The following FAM171A1 variants were observed in gnomAD, a reference collection of about 807,000 sequenced individuals.
FAM171A1 encodes the protein family with sequence similarity 171 member A1.
In FAM171A1, 23 loss-of-function variants were observed where a neutral mutation model predicts 74.9. That is an observed-to-expected ratio of 0.31 (90% CI 0.22 to 0.44). The LOEUF (loss-of-function observed/expected upper bound fraction) is 0.44, where lower values mean the gene tolerates loss of function less well. Among genes scored for constraint, FAM171A1 ranks in the 20% least tolerant of loss-of-function variants. FAM171A1 has a pLI of 1.00. For synonymous variants in FAM171A1, 527 were observed against 505.7 expected (o/e 1.04, Z -0.57); for missense variants, 1,162 against 1,159.2 (o/e 1.00, Z -0.03).
rs185961044 is a variant in FAM171A1 at position 15,214,080 on chromosome 10, C to T, written c.1508G>A (p.Arg503Lys). Residue 503 changes from arginine (R) to lysine (K), a missense_variant, in exon 8 of 8, where the codon AGA becomes AAA. By Grantham distance (26) the Arg-to-Lys change is conservative. Coordinates refer to ENST00000378116, the MANE Select transcript of FAM171A1 (RefSeq NM_001010924.2). ...LSQPLFEKQDREGPASTGSKL... is the reference protein window; with the variant it reads ...LSQPLFEKQDKEGPASTGSKL... The stretch of plus-strand genomic sequence containing the variant: ...GCTTCCCGTGGAGGCTGGACCTTCT[C>T]TGTCCTGCTTTTCAAATAAAGGCTG... 3.7e-4 allele frequency: 600 copies of T among 1,614,200 alleles called. No individual in the cohort carries two copies. The highest frequency in any genetic ancestry group is 4.6e-4 in the Non-Finnish European group (538 of 1,180,038).
At position 15,283,871 on chromosome 10, in the gene FAM171A1, G is replaced by C; in HGVS notation, c.325+7C>G. 7 of 1,613,648 alleles carry C rather than the reference G, an allele frequency of 4.3e-6. No homozygotes were observed. Among genetic ancestry groups the C allele is most frequent in the Non-Finnish European group, 5.9e-6 (7 of 1,179,546 alleles). On this transcript the variant is annotated splice_region_variant and intron_variant, in intron 2 of 7. Coordinates refer to ENST00000378116, the MANE Select transcript of FAM171A1 (RefSeq NM_001010924.2). ...TCTGTGTTAAAGAAAGATGAGGAAC[G>C]CCTTACCAGGTAACCGGATTGGCTT...
chr10:15,364,327 T>C (rs1836033160), intron 1 of FAM171A1, among the ~76,000 whole-genome samples: 1 of 152,130 alleles, frequency 6.6e-6, no homozygotes, highest in Non-Finnish European at 1.5e-5. Context: ...CCACTTTTCC[T>C]TCCTCATCTG....
intron 3 of FAM171A1, among the ~76,000 whole-genome samples, chr10:15,261,346 A>G (rs1409424819): frequency 2.6e-5 from 4 of 152,202 alleles, no homozygotes; most frequent in African/African-American, 9.7e-5. Flanking sequence ...TGAGCCAGTA[A>G]TCTTGGGGAT....
intron 6 of FAM171A1, among the ~76,000 whole-genome samples, chr10:15,220,464 C>A (rs1419210175): frequency 1.3e-5 from 2 of 152,152 alleles, no homozygotes; most frequent in Non-Finnish European, 2.9e-5. Context: ...ATGCACATAT[C>A]CTAAATGGAG....
At chr10:15,286,830 T>C (rs975872319) in intron 1 of FAM171A1, among the ~76,000 whole-genome samples, 4 of 152,158 alleles carry the variant, frequency 2.6e-5, no homozygotes, top group Non-Finnish European at 4.4e-5. Context: ...ATCCTAGACC[T>C]AGCTAAATCA....
chr10:15,331,859 G>GTGTATACATATATATATATATA (rs60559617), intron 1 of FAM171A1, among the ~76,000 whole-genome samples: 1 of 44,954 alleles, frequency 2.2e-5, no homozygotes, highest in Non-Finnish European at 4.2e-5. Flanking sequence ...ATATATGTGT[G>GTGTATACATATATATATATATA]TATATATATG....
At chr10:15,329,233 A>G (rs1835597132) in intron 1 of FAM171A1, among the ~76,000 whole-genome samples, 1 of 152,364 alleles carries the variant, frequency 6.6e-6, no homozygotes, top group South Asian at 2.1e-4. Context: ...GAGCTTATAA[A>G]TAAGAGTGCT....
intron 1 of FAM171A1, among the ~76,000 whole-genome samples, chr10:15,353,429 A>G (rs1835900606): frequency 6.6e-6 from 1 of 152,232 alleles, no homozygotes. Flanking sequence ...AAATATTGAC[A>G]TAATGATAGA....
At chr10:15,242,396 A>G (rs1436370500) in intron 5 of FAM171A1, among the ~76,000 whole-genome samples, 1 of 152,248 alleles carries the variant, frequency 6.6e-6, no homozygotes. Context: ...TTATTTTTGA[A>G]TGACTATCCA....
intron 1 of FAM171A1, among the ~76,000 whole-genome samples, chr10:15,347,612 T>C (rs1835831405): frequency 6.6e-6 from 1 of 150,732 alleles, no homozygotes; most frequent in African/African-American, 2.4e-5. Flanking sequence ...CCGAGGCGAG[T>C]GGATGACAAA....
chr10:15,297,215 C>A (rs574832353), intron 1 of FAM171A1, among the ~76,000 whole-genome samples: 1 of 151,944 alleles, frequency 6.6e-6, no homozygotes, highest in African/African-American at 2.4e-5. Context: ...CACACCACCA[C>A]GCCTGGTTAA....
chr10:15,356,399 T>G (rs1402266579), intron 1 of FAM171A1, among the ~76,000 whole-genome samples: 1 of 152,052 alleles, frequency 6.6e-6, no homozygotes, highest in Non-Finnish European at 1.5e-5. Flanking sequence ...GTCTAGCAGT[T>G]TCTTATGAAA....
intron 1 of FAM171A1, among the ~76,000 whole-genome samples, chr10:15,356,219 CATAT>C (rs923046484): frequency 2.0e-5 from 3 of 149,078 alleles, no homozygotes; most frequent in African/African-American, 7.4e-5. Context: ...TACATACATA[CATAT>C]ATATATATAA....
chr10:15,224,349 G>C (rs78857766), intron 5 of FAM171A1, among the ~76,000 whole-genome samples: 2 of 152,092 alleles, frequency 1.3e-5, no homozygotes, highest in African/African-American at 4.8e-5. Flanking sequence ...AGCTGTGCCC[G>C]GGCTGGAAAG....
At chr10:15,246,548 G>C (rs1017332139) in intron 5 of FAM171A1, among the ~76,000 whole-genome samples, 2 of 152,146 alleles carry the variant, frequency 1.3e-5, no homozygotes, top group Admixed American at 1.3e-4. Flanking sequence ...TTTCGAGACA[G>C]TCTTGCTCTG....
chr10:15,280,773 C>T (rs1834958434), intron 2 of FAM171A1, among the ~76,000 whole-genome samples: 1 of 152,240 alleles, frequency 6.6e-6, no homozygotes, highest in Non-Finnish European at 1.5e-5. Context: ...TTCTCACTTC[C>T]TTGCCCAGTT....
At chr10:15,245,799 G>T (rs1834425476) in intron 5 of FAM171A1, among the ~76,000 whole-genome samples, 1 of 152,236 alleles carries the variant, frequency 6.6e-6, no homozygotes, top group Non-Finnish European at 1.5e-5. Context: ...ATACAAGGGG[G>T]TGTATATTCA....
chr10:15,293,904 G>A (rs540420137), intron 1 of FAM171A1, among the ~76,000 whole-genome samples: 6 of 152,308 alleles, frequency 3.9e-5, no homozygotes, highest in Admixed American at 3.9e-4. Context: ...AATACCAGAT[G>A]CTCATTTTCC....
At chr10:15,339,289 C>G (rs548090100) in intron 1 of FAM171A1, among the ~76,000 whole-genome samples, 1 of 152,186 alleles carries the variant, frequency 6.6e-6, no homozygotes, top group Non-Finnish European at 1.5e-5. Context: ...TTAACTCGAG[C>G]TATACTTCAT....
Sources: gnomAD v4.1 joint callset for allele counts (sites outside exome capture counted in the v4.1 genomes callset) on GRCh38, gnomAD v4.1.1 for gene constraint, MANE v1.5 for transcripts, NCBI Gene and HGNC (gene_info 2026-07-23, HGNC 2026-07-21) for gene names.